Variants in SPATA13 observed in about 807,000 individuals in gnomAD.
SPATA13 encodes the protein spermatogenesis-associated protein 13.
SPATA13 carries 50 observed loss-of-function variants against 104.0 expected under a neutral mutation model. That is an observed-to-expected ratio of 0.48 (90% CI 0.38 to 0.61). The LOEUF (loss-of-function observed/expected upper bound fraction) is 0.61. Ranked by LOEUF, SPATA13 falls within the 20% of genes least tolerant of loss-of-function variation. The pLI is 0.00. For missense variants in SPATA13, 1,524 were observed against 1,690.6 expected, an observed-to-expected ratio of 0.90 and a Z score of 1.73; for synonymous variants, 606 against 667.5, an observed-to-expected ratio of 0.91 and a Z score of 1.42.
intron 3 of SPATA13, among the ~76,000 whole-genome samples, chr13:24,114,699 G>C (rs1484831787): frequency 6.6e-6 from 1 of 151,864 alleles, no homozygotes; most frequent in African/African-American, 2.4e-5. Context: ...TTTTGCTCCT[G>C]TTGCCTAGGC....
chr13:23,981,491 A>C (rs57135846), intron 1 of SPATA13, among the ~76,000 whole-genome samples: 1,892 of 152,324 alleles, frequency 0.012, 37 homozygotes, highest in African/African-American at 0.041. Flanking sequence ...AAAAATTCAC[A>C]GTTTCGGGAG....
chr13:24,202,518 CCCTTT>C (rs1223958340), intron 1 of SPATA13, among the ~76,000 whole-genome samples: 1 of 105,606 alleles, frequency 9.5e-6, no homozygotes, highest in African/African-American at 3.7e-5. Context: ...TTCTTTCTTT[CCCTTT>C]TTTTTTTTTT....
chr13:24,174,981 T>G (rs575168062), intron 1 of SPATA13, among the ~76,000 whole-genome samples: 18 of 152,340 alleles, frequency 1.2e-4, no homozygotes, highest in Middle Eastern at 3.4e-3. Context: ...TTTCTGTTAC[T>G]GATTTCTAGT....
In SPATA13 at chr13:24,122,643, T is replaced by TTTGCAC. The variant is rs539289464; in HGVS notation, c.-111-100176_-111-100175insTTGCAC. The TTTGCAC allele has an allele frequency of 2.3e-3, 2,737 of 1,210,538 alleles. 50 individuals are homozygous for TTTGCAC. The African/African-American group carries it at 0.037, about 16-fold the overall frequency. 75.0% of individuals were successfully genotyped at this position (1,210,538 alleles called of 1,614,324 possible). On this transcript the variant is annotated intron_variant, in intron 3 of 14. Transcript: ENST00000424834. Reference sequence around the variant, plus strand: ...TGTAAGAACCTTTTTGCACATACTGTATATCACTTCAAGATACTTGGTGAC... The same window carrying TTTGCAC: ...TGTAAGAACCTTTTTGCACATACTGTTTGCACATATCACTTCAAGATACTTGGTGAC...
chr13:24,188,180 A>G (rs1314801781), intron 1 of SPATA13, among the ~76,000 whole-genome samples: 3 of 152,186 alleles, frequency 2.0e-5, no homozygotes, highest in South Asian at 2.1e-4. Flanking sequence ...ATCTCTACTG[A>G]AATACAAAAA....
At chr13:23,982,808 G>A (rs897922447) in intron 1 of SPATA13, among the ~76,000 whole-genome samples, 3 of 152,164 alleles carry the variant, frequency 2.0e-5, no homozygotes, top group Non-Finnish European at 2.9e-5. Flanking sequence ...TCTTCTGACC[G>A]TGTCACATGA....
intron 2 of SPATA13, among the ~76,000 whole-genome samples, chr13:24,006,328 G>A (rs950759331): frequency 6.6e-5 from 10 of 152,190 alleles, no homozygotes; most frequent in Non-Finnish European, 1.3e-4. Flanking sequence ...CAGGGCCTTC[G>A]TGGCACCTCA....
At chr13:24,022,336 G>A (rs1007811076) in intron 3 of SPATA13, among the ~76,000 whole-genome samples, 7 of 152,098 alleles carry the variant, frequency 4.6e-5, no homozygotes, top group African/African-American at 1.7e-4. Flanking sequence ...TGCGCCTGGC[G>A]AAAAATCTTA....
chr13:24,193,446 G>A (rs1170866992), intron 1 of SPATA13, among the ~76,000 whole-genome samples: 1 of 152,212 alleles, frequency 6.6e-6, no homozygotes, highest in Non-Finnish European at 1.5e-5. Context: ...GAATCTGAGT[G>A]TGAGGAGTGA....
intron 2 of SPATA13, among the ~76,000 whole-genome samples, chr13:23,995,121 T>C: frequency 6.6e-6 from 1 of 152,172 alleles, no homozygotes; most frequent in East Asian, 1.9e-4. Context: ...ATGTCAGTAG[T>C]GCCAAGGTTC....
Position 24,306,600 on chromosome 13 carries a change from C to T in SPATA13, c.*3827C>T, listed in dbSNP as rs2138793015. ...TGCAATGAAAGTGGATTTCAAAAGGCTTTGGAAAAATAAGTGGAACATGAC... is the reference window on the plus strand; with the variant it reads ...TGCAATGAAAGTGGATTTCAAAAGGTTTTGGAAAAATAAGTGGAACATGAC... On this transcript the variant is annotated 3_prime_UTR_variant, in exon 13 of 13. Coordinates refer to ENST00000382108, the MANE Select transcript of SPATA13 (RefSeq NM_001166271.3). The T allele has an allele frequency of 6.6e-6, 1 of 151,808 alleles. No homozygotes were observed. The highest frequency in any genetic ancestry group is 2.1e-4 in the South Asian group (1 of 4,798). The allele number at this position is 151,808 out of a possible 1,614,324, so 9.4% of individuals were successfully genotyped here.
At chr13:24,278,615 G>A (rs1434303248) in intron 4 of SPATA13, 5 of 1,454,438 alleles carry the variant, frequency 3.4e-6, no homozygotes, top group Non-Finnish European at 4.5e-6. Context: ...AATTTACAGG[G>A]TGCTTTCATG....
At chr13:24,277,992 G>A (rs1403717289) in intron 4 of SPATA13, among the ~76,000 whole-genome samples, 10 of 152,166 alleles carry the variant, frequency 6.6e-5, no homozygotes, top group Admixed American at 6.5e-4. Context: ...AATCGTGAAA[G>A]TAGTTAGGGT....
At chr13:24,048,055 A>C (rs1315400316) in intron 3 of SPATA13, among the ~76,000 whole-genome samples, 1 of 152,168 alleles carries the variant, frequency 6.6e-6, no homozygotes, top group Non-Finnish European at 1.5e-5. Flanking sequence ...CCTACCCTCA[A>C]AGGATTGGCC....
chr13:24,292,995 CA>C (rs34221097), intron 9 of SPATA13, among the ~76,000 whole-genome samples: 8 of 23,930 alleles, frequency 3.3e-4, no homozygotes, highest in African/African-American at 1.0e-3. Flanking sequence ...GACTTTGTCT[CA>C]AAAAAAAAAA....
chr13:24,144,128 T>C (rs975693618), intron 3 of SPATA13, among the ~76,000 whole-genome samples: 1 of 152,174 alleles, frequency 6.6e-6, no homozygotes, highest in Non-Finnish European at 1.5e-5. Context: ...AAGGTCATTA[T>C]TGTGATCCCA....
intron 3 of SPATA13, among the ~76,000 whole-genome samples, chr13:24,155,589 A>G (rs1882234722): frequency 6.6e-6 from 1 of 152,198 alleles, no homozygotes; most frequent in African/African-American, 2.4e-5. Flanking sequence ...AGAGTCAGTG[A>G]GTGGCAGAGA....
rs1005466740 is a variant in SPATA13, at chr13:23,983,927, C to T, written c.-153C>T. 19 of 985,302 alleles carry T rather than the reference C, an allele frequency of 1.9e-5. No homozygotes were observed. The South Asian group carries it at 2.8e-4, about 15-fold the overall frequency. The allele number at this position is 985,302 out of a possible 1,614,324, so 61.0% of individuals were successfully genotyped here. ...GCGTAGGCCTCACAAACATCCTGGC[C>T]GTGAAGGTAAGTTGAGCAACTTTCT... On this transcript the variant is annotated 5_prime_UTR_variant, in exon 2 of 15. Coordinates refer to the SPATA13 transcript ENST00000424834.
At chr13:24,103,421 G>C (rs1421716690) in intron 3 of SPATA13, among the ~76,000 whole-genome samples, 3 of 141,416 alleles carry the variant, frequency 2.1e-5, no homozygotes, top group Non-Finnish European at 4.5e-5. Flanking sequence ...AGAGTTTGAG[G>C]TTACACTGAG....
Sources: allele counts gnomAD v4.1 joint callset (sites outside exome capture counted in the v4.1 genomes callset), GRCh38; gene constraint gnomAD v4.1.1; transcripts MANE v1.5; gene names NCBI Gene and HGNC (gene_info 2026-07-23, HGNC 2026-07-21).